NACC2: variants seen among roughly 807,000 people sequenced by gnomAD.
NACC2 encodes nucleus accumbens-associated protein 2.
NACC2 carries 8 observed loss-of-function variants against 25.1 expected under a neutral mutation model. The observed-to-expected ratio is 0.32, with a 90% CI of 0.19 to 0.57. NACC2 has a LOEUF of 0.57. NACC2 is among the 20% of genes least tolerant of loss of function. NACC2 has a pLI of 0.89. For missense variants in NACC2, 644 were observed against 650.2 expected (o/e 0.99, Z 0.10); for synonymous variants, 435 against 294.7 (o/e 1.48, Z -4.88).
At chr9:136,040,516 C>T (rs1366768562) in intron 2 of NACC2, among the ~76,000 whole-genome samples, 3 of 152,150 alleles carry the variant, frequency 2.0e-5, no homozygotes, top group African/African-American at 7.2e-5. Flanking sequence ...TGTAGGCAAA[C>T]ATGCAAAACA....
chr9:136,024,688 A>G (rs2131142623), intron 2 of NACC2, among the ~76,000 whole-genome samples: 1 of 152,340 alleles, frequency 6.6e-6, no homozygotes, highest in East Asian at 1.9e-4. Context: ...AAAAATAAAT[A>G]TATTTAACTT....
intron 2 of NACC2, among the ~76,000 whole-genome samples, chr9:136,040,586 A>G (rs1840613162): frequency 1.3e-5 from 2 of 152,046 alleles, no homozygotes; most frequent in African/African-American, 4.8e-5. Context: ...ATAGCCAACA[A>G]GCGGAAACAT....
At chr9:136,068,002 G>C (rs181913986) in intron 1 of NACC2, among the ~76,000 whole-genome samples, 32 of 152,296 alleles carry the variant, frequency 2.1e-4, no homozygotes, top group African/African-American at 5.8e-4. Flanking sequence ...ACATAGTAAA[G>C]GTTCAGTAAA....
intron 1 of NACC2, among the ~76,000 whole-genome samples, chr9:136,065,775 A>G (rs1588577553): frequency 6.6e-6 from 1 of 151,772 alleles, no homozygotes. Flanking sequence ...TGATCACGCC[A>G]CTGTCCTCCA....
chr9:136,050,414 G>A lies in NACC2; in HGVS notation c.108C>T (p.Val36=), dbSNP rs1450852225. The change falls in exon 2 of 6, where the codon GTC becomes GTT. Residue 36 remains valine, a synonymous_variant. Transcript: ENST00000277554. ...GGTGGGCCTTGAAGGCCTGGCCCTT[G>A]ACCACGATGGACACATCGCAGTAGA... ...LGLYCDVSIV[V]KGQAFKAHRA... is the part of the protein sequence containing the mutation. 5 of 764,588 alleles carry A rather than the reference G, an allele frequency of 6.5e-6. No individual in the cohort carries two copies. The highest frequency in any genetic ancestry group is 9.6e-6 in the Non-Finnish European group (4 of 416,208). The allele number at this position is 764,588 out of a possible 1,614,324, so 47.4% of individuals were successfully genotyped here.
chr9:136,054,153 C>T (rs1394206511), intron 1 of NACC2, among the ~76,000 whole-genome samples: 1 of 152,232 alleles, frequency 6.6e-6, no homozygotes, highest in African/African-American at 2.4e-5. Flanking sequence ...CTGCTGTGAC[C>T]TGGGCAGGAG....
chr9:136,057,944 G>A (rs977906491), intron 1 of NACC2, among the ~76,000 whole-genome samples: 4 of 152,176 alleles, frequency 2.6e-5, no homozygotes, highest in Non-Finnish European at 4.4e-5. Context: ...GCGACTTCGC[G>A]GCACACTCTC....
rs1251135394 is a variant in NACC2 at position 136,086,593 on chromosome 9, G to T, written c.-60+8596C>A. 6.6e-6 allele frequency among the ~76,000 whole-genome samples: 1 copy of T among 152,182 alleles called. No individual in the cohort carries two copies. The highest frequency in any genetic ancestry group is 1.5e-5 in the Non-Finnish European group (1 of 68,034). The stretch of plus-strand genomic sequence containing the variant: ...GTGACCCACACGCTGTCATTTCCAG[G>T]CCACTTCCTATGACATGGACTCACC... On this transcript the variant is annotated intron_variant, in intron 1 of 5. Coordinates refer to ENST00000277554, the MANE Select transcript of NACC2 (RefSeq NM_144653.5). The surrounding 1 kb of genome is among the most constrained non-coding windows in gnomAD (Gnocchi z 5.6).
At chr9:136,038,070 C>CA (rs998988366) in intron 2 of NACC2, among the ~76,000 whole-genome samples, 2 of 152,086 alleles carry the variant, frequency 1.3e-5, no homozygotes, top group African/African-American at 4.8e-5. Flanking sequence ...TATTCAGATC[C>CA]AAGAGGCCAC....
chr9:136,079,471 T>A (rs1428070285), intron 1 of NACC2, among the ~76,000 whole-genome samples: 1 of 152,158 alleles, frequency 6.6e-6, no homozygotes, highest in East Asian at 1.9e-4. Flanking sequence ...GGCCCCAGGC[T>A]GTACAGGCTG....
rs1830380711 is a variant in NACC2, at chr9:136,086,567, T to C, written c.-60+8622A>G. 6.6e-6 allele frequency among the ~76,000 whole-genome samples: 1 copy of C among 152,082 alleles called. No individual in the cohort carries two copies. The highest frequency in any genetic ancestry group is 1.5e-5 in the Non-Finnish European group (1 of 67,992). On this transcript the variant is annotated intron_variant, in intron 1 of 5. Coordinates refer to ENST00000277554, the MANE Select transcript of NACC2 (RefSeq NM_144653.5). This position sits in a 1 kb window ranked among gnomAD's most constrained non-coding sequence, Gnocchi z 5.6. Reference sequence around the variant, plus strand: ...GCCACGGTCCCACCCCGGGCTCCACTGTGACCCACACGCTGTCATTTCCAG... The same window carrying C: ...GCCACGGTCCCACCCCGGGCTCCACCGTGACCCACACGCTGTCATTTCCAG...
intron 1 of NACC2, among the ~76,000 whole-genome samples, chr9:136,052,220 G>T (rs892322300): frequency 4.6e-5 from 7 of 152,246 alleles, no homozygotes; most frequent in African/African-American, 1.7e-4. Flanking sequence ...AAAGATGGCA[G>T]AAATACTGTA....
intron 2 of NACC2, among the ~76,000 whole-genome samples, chr9:136,039,580 A>G (rs1840599904): frequency 1.3e-5 from 2 of 152,260 alleles, no homozygotes; most frequent in African/African-American, 4.8e-5. Flanking sequence ...CCTTGAGAAA[A>G]TATCAGCAAG....
intron 1 of NACC2, among the ~76,000 whole-genome samples, chr9:136,071,038 T>C (rs144101846): frequency 0.02 from 3,087 of 151,372 alleles, 182 homozygotes; most frequent in African/African-American, 0.07. Context: ...AAGACCAGTC[T>C]GGCCAACACA....
At chr9:136,063,463 G>A (rs1295719248) in intron 1 of NACC2, among the ~76,000 whole-genome samples, 9 of 152,310 alleles carry the variant, frequency 5.9e-5, no homozygotes, top group Middle Eastern at 3.4e-3. Flanking sequence ...CCAGATTTAC[G>A]TTTGACCTGT....
chr9:136,043,424 C>A (rs202211813), intron 2 of NACC2, among the ~76,000 whole-genome samples: 20,341 of 152,242 alleles, frequency 0.13, 1,638 homozygotes, highest in South Asian at 0.21. Flanking sequence ...ATTCCACCCA[C>A]GAGGAAGGGC....
At chr9:136,053,530 C>A (rs1840879594) in intron 1 of NACC2, among the ~76,000 whole-genome samples, 1 of 152,218 alleles carries the variant, frequency 6.6e-6, no homozygotes, top group African/African-American at 2.4e-5. Context: ...CAGGTCCCCA[C>A]TTAGTTTCTG....
intron 3 of NACC2, among the ~76,000 whole-genome samples, chr9:136,015,209 G>T (rs762261266): frequency 6.6e-6 from 1 of 152,192 alleles, no homozygotes; most frequent in Non-Finnish European, 1.5e-5. Flanking sequence ...TGGGATGACC[G>T]AGAGCATCTT....
Position 136,036,498 on chromosome 9 carries a change from C to CAT in NACC2, c.886+13136_886+13137dup, listed in dbSNP as rs1260378535. 3.3e-5 allele frequency among the ~76,000 whole-genome samples: 5 copies of CAT among 152,250 alleles called. No individual in the cohort carries two copies. In the East Asian group the frequency reaches 7.7e-4, roughly 23 times the overall value. ...ATATACATACACACACACATAAATA[C>CAT]ATATATATACACACATACACATACA... On this transcript the variant is annotated intron_variant, in intron 2 of 5. Transcript: ENST00000277554.
Sources: allele counts gnomAD v4.1 joint callset (sites outside exome capture counted in the v4.1 genomes callset), GRCh38; gene constraint gnomAD v4.1.1; non-coding constraint Gnocchi (gnomAD v3.1); transcripts MANE v1.5; gene names NCBI Gene and HGNC (gene_info 2026-07-23, HGNC 2026-07-21).